The following RIMS3 variants were observed in gnomAD, a reference collection of about 807,000 sequenced individuals.
RIMS3 encodes regulating synaptic membrane exocytosis protein 3.
RIMS3 carries 15 observed loss-of-function variants against 29.2 expected under a neutral mutation model. The observed-to-expected ratio is 0.51, with a 90% confidence interval of 0.34 to 0.79. The LOEUF is 0.79. Ranked by LOEUF, RIMS3 falls within the 30% of genes least tolerant of loss-of-function variation. The pLI is 0.01. For synonymous variants in RIMS3, 161 were observed against 170.1 expected, an observed-to-expected ratio of 0.95 and a Z score of 0.41; for missense variants, 342 against 421.4, an observed-to-expected ratio of 0.81 and a Z score of 1.65.
chr1:40,685,794 C>T, the RIMS3 span, among the ~76,000 whole-genome samples: 1 of 152,048 alleles, frequency 6.6e-6, no homozygotes, highest in Non-Finnish European at 1.5e-5. Context: ...ACACACCCTC[C>T]CAGCCTAGCC....
At chr1:40,648,467 T>C (rs1646608998) in intron 1 of RIMS3, among the ~76,000 whole-genome samples, 1 of 152,242 alleles carries the variant, frequency 6.6e-6, no homozygotes. Context: ...ACAAGCTGTA[T>C]GATACAGGGC....
At position 40,641,940 on chromosome 1, in the gene RIMS3, C is replaced by A; in HGVS notation, c.-15G>T. The A allele has an allele frequency of 6.2e-7, 1 of 1,608,638 alleles. No homozygotes were observed. The highest frequency in any genetic ancestry group is 1.3e-5 in the African/African-American group (1 of 74,862). On this transcript the variant is annotated 5_prime_UTR_variant, in exon 3 of 8. Coordinates refer to ENST00000372684, the MANE Select transcript of RIMS3 (RefSeq NM_014747.3). ...CCGTTAAACATGGTCCCCGGGGTGG[C>A]AGGGCCTCAGGCAGCTCTGAAGATG...
chr1:40,659,070 A>G (rs1264951926), intron 1 of RIMS3, among the ~76,000 whole-genome samples: 1 of 152,170 alleles, frequency 6.6e-6, no homozygotes, highest in African/African-American at 2.4e-5. Flanking sequence ...GGGTGGGCTA[A>G]CTCTGCCTGG....
chr1:40,651,533 A>C (rs1184629960), intron 1 of RIMS3, among the ~76,000 whole-genome samples: 1 of 152,172 alleles, frequency 6.6e-6, no homozygotes, highest in East Asian at 1.9e-4. Flanking sequence ...GCTTTATTGC[A>C]GCTTCCCTAG....
At chr1:40,669,941 T>C (rs1476435176), upstream of RIMS3, among the ~76,000 whole-genome samples, 1 of 152,092 alleles carries the variant, frequency 6.6e-6, no homozygotes, top group African/African-American at 2.4e-5. Flanking sequence ...TCCACTTAAT[T>C]ATCAGAGCCA....
chr1:40,687,662 T>C, the RIMS3 span: 1 of 150,034 alleles, frequency 6.7e-6, no homozygotes, highest in Non-Finnish European at 1.5e-5. Flanking sequence ...AAAAAACTTC[T>C]ACCACTCACT....
the RIMS3 span, among the ~76,000 whole-genome samples, chr1:40,673,119 G>A: frequency 1.3e-5 from 2 of 151,764 alleles, no homozygotes; most frequent in African/African-American, 4.8e-5. Flanking sequence ...GGCGGAGGTT[G>A]CAGTGAGCCA....
At chr1:40,687,783 G>A in the RIMS3 span, among the ~76,000 whole-genome samples, 3 of 151,584 alleles carry the variant, frequency 2.0e-5, 1 homozygote, top group South Asian at 6.2e-4. Flanking sequence ...CTGATCCCTC[G>A]CTTCTTCTAT....
chr1:40,644,765 A>G (rs1646583755), intron 2 of RIMS3, among the ~76,000 whole-genome samples: 1 of 152,178 alleles, frequency 6.6e-6, no homozygotes, highest in Non-Finnish European at 1.5e-5. Flanking sequence ...CCAGCACCCT[A>G]CTGGCTCTGT....
chr1:40,686,963 G>A, the RIMS3 span, among the ~76,000 whole-genome samples: 1 of 149,198 alleles, frequency 6.7e-6, no homozygotes, highest in Non-Finnish European at 1.5e-5. Flanking sequence ...CATTGGGAAT[G>A]TAAAATGGTA....
chr1:40,675,825 G>A, the RIMS3 span, among the ~76,000 whole-genome samples: 12 of 152,072 alleles, frequency 7.9e-5, no homozygotes, highest in African/African-American at 2.9e-4. Context: ...CTACTTGGGA[G>A]GCTGAGGCAG....
chr1:40,626,988 G>C (rs931044635), intron 7 of RIMS3, among the ~76,000 whole-genome samples: 1 of 152,218 alleles, frequency 6.6e-6, no homozygotes, highest in African/African-American at 2.4e-5. Flanking sequence ...TTCCATGAAG[G>C]AAACTGTAGC....
At chr1:40,659,800 G>C (rs1235209287) in intron 1 of RIMS3, among the ~76,000 whole-genome samples, 1 of 152,146 alleles carries the variant, frequency 6.6e-6, no homozygotes, top group East Asian at 1.9e-4. Flanking sequence ...TCCAGGATTG[G>C]GGACAACACG....
intron 2 of RIMS3, among the ~76,000 whole-genome samples, chr1:40,644,937 G>T (rs558822718): frequency 6.6e-6 from 1 of 152,368 alleles, no homozygotes; most frequent in East Asian, 1.9e-4. Context: ...GCACCATTGT[G>T]GCAAATAAAG....
Position 40,626,298 on chromosome 1 carries a change from C to A in RIMS3, c.*219G>T, listed in dbSNP as rs528044124. ...ATCACCAGGAGTGACTATACCCAGA[C>A]AAATGAACAGATAGAACGTGGTCAC... On this transcript the variant is annotated 3_prime_UTR_variant, in exon 8 of 8. Coordinates refer to ENST00000372684, the MANE Select transcript of RIMS3 (RefSeq NM_014747.3). The A allele has an allele frequency of 1.0e-4, 61 of 604,760 alleles. No individual in the cohort carries two copies. Among genetic ancestry groups the A allele is most frequent in the Non-Finnish European group, 1.5e-4 (52 of 336,134 alleles). The allele number at this position is 604,760 out of a possible 1,614,324, so 37.5% of individuals were successfully genotyped here. A position where few individuals can be genotyped will look rare whatever the true frequency, so the allele number is the denominator to read the frequency against.
At chr1:40,627,641 AC>A in intron 7 of RIMS3, among the ~76,000 whole-genome samples, 1 of 145,096 alleles carries the variant, frequency 6.9e-6, no homozygotes, top group East Asian at 2.2e-4. Flanking sequence ...TTATTCTGTC[AC>A]CCAGGCTGGA....
intron 2 of RIMS3, 127 bp from the exon 3 acceptor site, chr1:40,642,083 G>A (rs1357658851): frequency 6.5e-6 from 4 of 617,990 alleles, no homozygotes; most frequent in African/African-American, 5.6e-5. Flanking sequence ...AAGGTTAAAT[G>A]CACAAACAAA....
rs143501632 is a variant in RIMS3, at chr1:40,647,661, A to C, written c.-32+7T>G. On this transcript the variant is annotated splice_region_variant and intron_variant, in intron 2 of 7. Coordinates refer to ENST00000372684, the MANE Select transcript of RIMS3 (RefSeq NM_014747.3). ...CCACCCTTCACCTGGAAGAAAACCCAACTCACCGAACTGATGAATCTGAGC... is the reference window on the plus strand; with the variant it reads ...CCACCCTTCACCTGGAAGAAAACCCCACTCACCGAACTGATGAATCTGAGC... 6.6e-6 allele frequency: 1 copy of C among 152,272 alleles called. No homozygotes were observed. The highest frequency in any genetic ancestry group is 1.5e-5 in the Non-Finnish European group (1 of 68,048). 9.4% of individuals were successfully genotyped at this position (152,272 alleles called of 1,614,324 possible). A position where few individuals can be genotyped will look rare whatever the true frequency, so the allele number is the denominator to read the frequency against.
Position 40,623,113 on chromosome 1 carries a change from G to A in RIMS3, c.*3404C>T, listed in dbSNP as rs766948727. 2 of 299,160 alleles carry A rather than the reference G, an allele frequency of 6.7e-6. No individual in the cohort carries two copies. The highest frequency in any genetic ancestry group is 1.2e-5 in the Non-Finnish European group (2 of 163,490). The allele number at this position is 299,160 out of a possible 1,614,324, so 18.5% of individuals were successfully genotyped here. ...TGATTCCACAGAGGATGAGCTCTAT[G>A]GGTGGCCTTTCTTGGAGCTCCTGGG... On this transcript the variant is annotated 3_prime_UTR_variant, in exon 8 of 8. Coordinates refer to ENST00000372684, the MANE Select transcript of RIMS3 (RefSeq NM_014747.3).
Sources: gnomAD v4.1 joint callset for allele counts (sites outside exome capture counted in the v4.1 genomes callset) on GRCh38, gnomAD v4.1.1 for gene constraint, MANE v1.5 for transcripts, NCBI Gene and HGNC (gene_info 2026-07-23, HGNC 2026-07-21) for gene names.